Variants in CDYL observed in about 807,000 individuals in gnomAD.
CDYL encodes the protein chromodomain Y like, also known as chromodomain Y-like protein.
CDYL carries 8 observed loss-of-function variants against 47.3 expected under a neutral mutation model. The observed-to-expected ratio is 0.17, with a 90% CI of 0.10 to 0.31. The LOEUF is 0.31. CDYL is among the 10% of genes least tolerant of loss of function. CDYL has a pLI of 1.00. For synonymous variants in CDYL, 266 were observed against 265.0 expected (o/e 1.00, Z -0.04); for missense variants, 471 against 701.4 (o/e 0.67, Z 3.71).
intron 3 of CDYL, among the ~76,000 whole-genome samples, chr6:4,738,343 C>T (rs1336643999): frequency 6.6e-6 from 1 of 152,168 alleles, no homozygotes; most frequent in Non-Finnish European, 1.5e-5. Flanking sequence ...TACACCATTG[C>T]ACCTCAGCGT....
At chr6:4,945,746 G>A (rs1362143279) in intron 5 of CDYL, among the ~76,000 whole-genome samples, 1 of 152,244 alleles carries the variant, frequency 6.6e-6, no homozygotes, top group African/African-American at 2.4e-5. Flanking sequence ...CTCAGGCCGT[G>A]CCGACGCCCT....
At chr6:4,775,144 G>A (rs950615322), upstream of CDYL, 5 of 153,014 alleles carry the variant, frequency 3.3e-5, no homozygotes, top group Admixed American at 2.6e-4. The surrounding 1 kb of genome is among the most constrained non-coding windows in gnomAD (Gnocchi z 7.0). Flanking sequence ...ATGGAGCACG[G>A]AGGAGTGAGG....
At chr6:4,786,288 A>G (rs1758754739) in intron 1 of CDYL, among the ~76,000 whole-genome samples, 1 of 152,174 alleles carries the variant, frequency 6.6e-6, no homozygotes, top group Non-Finnish European at 1.5e-5. Context: ...TATTTTAAAC[A>G]TATTTACCAA....
chr6:4,923,258 C>A (rs1251402013), intron 2 of CDYL, among the ~76,000 whole-genome samples: 1 of 152,190 alleles, frequency 6.6e-6, no homozygotes, highest in African/African-American at 2.4e-5. Flanking sequence ...CTAGTAACCA[C>A]TGTTTTACTC....
intron 1 of CDYL, among the ~76,000 whole-genome samples, chr6:4,851,569 G>A (rs1760827332): frequency 6.6e-6 from 1 of 152,178 alleles, no homozygotes; most frequent in East Asian, 1.9e-4. Flanking sequence ...AGTAGAAACA[G>A]ACGATTTGCT....
At chr6:4,900,144 A>ATG (rs1443040465) in intron 2 of CDYL, among the ~76,000 whole-genome samples, 2 of 152,170 alleles carry the variant, frequency 1.3e-5, no homozygotes, top group African/African-American at 4.8e-5. Flanking sequence ...CAGTAGTTTG[A>ATG]TGTGTGTCAT....
chr6:4,880,557 C>T (rs1303380969), intron 1 of CDYL, among the ~76,000 whole-genome samples: 3 of 152,128 alleles, frequency 2.0e-5, no homozygotes, highest in Non-Finnish European at 2.9e-5. Flanking sequence ...TACTAGGGAT[C>T]GTGATTGCTG....
intron 1 of CDYL, among the ~76,000 whole-genome samples, chr6:4,779,062 A>G (rs1272070939): frequency 6.6e-6 from 1 of 152,216 alleles, no homozygotes. Flanking sequence ...TTGTATGGTA[A>G]CTGGCTTAAA....
chr6:4,911,770 T>C (rs1757421870), intron 2 of CDYL, among the ~76,000 whole-genome samples: 2 of 152,242 alleles, frequency 1.3e-5, no homozygotes, highest in Admixed American at 1.3e-4. Flanking sequence ...ACATCCACTT[T>C]CAAATTTCAC....
intron 1 of CDYL, among the ~76,000 whole-genome samples, chr6:4,784,396 A>G (rs1229796175): frequency 6.6e-6 from 1 of 152,162 alleles, no homozygotes; most frequent in Non-Finnish European, 1.5e-5. Flanking sequence ...CTTTGGAGTC[A>G]TGTTTGCTTT....
chr6:4,772,455 T>G (rs1166344688), upstream of CDYL, among the ~76,000 whole-genome samples: 2 of 152,222 alleles, frequency 1.3e-5, no homozygotes, highest in Non-Finnish European at 2.9e-5. Flanking sequence ...AAGGTACTGG[T>G]ATCCACTCTA....
In CDYL at chr6:4,873,522, AATG is replaced by A. The variant is rs1472291890; in HGVS notation, c.25-18185_25-18183del. 4.6e-5 allele frequency among the ~76,000 whole-genome samples: 7 copies of A among 152,284 alleles called. No individual in the cohort carries two copies. In the East Asian group the frequency reaches 1.4e-3, roughly 29 times the overall value. On this transcript the variant is annotated intron_variant, in intron 1 of 6. Transcript: ENST00000397588. ...CCTTATGGGAAGGAAAAATTGGGAT[AATG>A]ATGATACTGTTCTGTGCAATTTTTA...
chr6:4,717,661 G>A (rs13206142), intron 2 of CDYL, among the ~76,000 whole-genome samples: 9,759 of 119,950 alleles, frequency 0.081, 447 homozygotes, highest in East Asian at 0.2. Flanking sequence ...GCTATGATCA[G>A]GTCATTGCAC....
At chr6:4,863,963 A>T (rs1422660409) in intron 1 of CDYL, among the ~76,000 whole-genome samples, 2 of 152,166 alleles carry the variant, frequency 1.3e-5, no homozygotes, top group Non-Finnish European at 2.9e-5. Context: ...TTGAATTGAG[A>T]CCTAGATATA....
chr6:4,780,963 G>C (rs138019627), intron 1 of CDYL, among the ~76,000 whole-genome samples: 1 of 151,804 alleles, frequency 6.6e-6, no homozygotes, highest in African/African-American at 2.4e-5. Flanking sequence ...CTCTTTATTT[G>C]TATGTCTTAA....
At chr6:4,730,335 A>G (rs1434110710) in intron 2 of CDYL, among the ~76,000 whole-genome samples, 1 of 152,192 alleles carries the variant, frequency 6.6e-6, no homozygotes, top group Admixed American at 6.5e-5. Context: ...AGTCTTGTTC[A>G]TGAGCTAAGC....
At chr6:4,737,583 G>T (rs1027615540) in intron 3 of CDYL, among the ~76,000 whole-genome samples, 10 of 151,424 alleles carry the variant, frequency 6.6e-5, no homozygotes. Context: ...GGAGGTGGAG[G>T]TTGCAGTGAG....
chr6:4,751,723 C>T (rs1436449367), intron 3 of CDYL, among the ~76,000 whole-genome samples: 1 of 152,154 alleles, frequency 6.6e-6, no homozygotes, highest in Non-Finnish European at 1.5e-5. Flanking sequence ...TAACTCTAGC[C>T]AGTCAATTTC....
At chr6:4,711,725 G>C (rs757168730) in intron 1 of CDYL, among the ~76,000 whole-genome samples, 1 of 152,156 alleles carries the variant, frequency 6.6e-6, no homozygotes, top group Admixed American at 6.5e-5. Context: ...GCCAGGAAGA[G>C]GCTTCAGCTG....
Sources: gnomAD v4.1 joint callset for allele counts (sites outside exome capture counted in the v4.1 genomes callset) on GRCh38, gnomAD v4.1.1 for gene constraint, Gnocchi (gnomAD v3.1) non-coding constraint, MANE v1.5 for transcripts, NCBI Gene and HGNC (gene_info 2026-07-23, HGNC 2026-07-21) for gene names.